Variants in KDM7A observed in about 807,000 individuals in gnomAD.
KDM7A encodes lysine-specific demethylase 7A.
KDM7A carries 28 observed loss-of-function variants against 114.8 expected under a neutral mutation model. The ratio of observed to expected loss-of-function variants is 0.24; its 90% CI spans 0.18 to 0.33. KDM7A has a LOEUF of 0.33. Among genes scored for constraint, KDM7A ranks in the 10% least tolerant of loss-of-function variants. The pLI, the probability that KDM7A is intolerant of heterozygous loss-of-function variation, is 1.00. For synonymous variants in KDM7A, 423 were observed against 397.8 expected, an observed-to-expected ratio of 1.06 and a Z score of -0.75; for missense variants, 942 against 1,142.5, an observed-to-expected ratio of 0.82 and a Z score of 2.53.
rs1818009315 is a variant in KDM7A at position 140,091,042 on chromosome 7, T to C, written c.*52A>G. ...GGGGACAGCGGAAGCTCCAGGCTCCTGCACCCCTAGACTGGTCTCCAAAGG... is the reference window on the plus strand; with the variant it reads ...GGGGACAGCGGAAGCTCCAGGCTCCCGCACCCCTAGACTGGTCTCCAAAGG... On this transcript the variant is annotated 3_prime_UTR_variant, in exon 20 of 20. Transcript: ENST00000397560. 8 of 1,332,088 alleles carry C rather than the reference T, an allele frequency of 6.0e-6. No individual in the cohort carries two copies. Among genetic ancestry groups the C allele is most frequent in the Admixed American group, 3.4e-5 (2 of 59,300 alleles). The allele number at this position is 1,332,088 out of a possible 1,614,324, so 82.5% of individuals were successfully genotyped here.
intron 2 of KDM7A, among the ~76,000 whole-genome samples, chr7:140,136,243 T>C (rs1241485402): frequency 6.6e-6 from 1 of 152,220 alleles, no homozygotes; most frequent in Non-Finnish European, 1.5e-5. Flanking sequence ...TTGTTATAAA[T>C]GTCAAAGAAG....
intron 9 of KDM7A, among the ~76,000 whole-genome samples, chr7:140,114,316 C>T (rs966160875): frequency 6.6e-6 from 1 of 152,084 alleles, no homozygotes; most frequent in Non-Finnish European, 1.5e-5. Flanking sequence ...TGCAGGCGCG[C>T]GCCACCACGC....
At chr7:140,096,842 G>C in intron 16 of KDM7A, 57 bp downstream of exon 16, 1 of 1,586,738 alleles carries the variant, frequency 6.3e-7, no homozygotes, top group Non-Finnish European at 8.6e-7. Context: ...ACTAAAAAAA[G>C]TGTTCATAGT....
At chr7:140,128,103 T>G (rs1818734439) in intron 4 of KDM7A, among the ~76,000 whole-genome samples, 1 of 152,182 alleles carries the variant, frequency 6.6e-6, no homozygotes, top group Admixed American at 6.5e-5. Flanking sequence ...GATACTGTCT[T>G]CTAATATTCT....
intron 11 of KDM7A, among the ~76,000 whole-genome samples, chr7:140,102,893 A>G (rs914815768): frequency 2.6e-5 from 4 of 152,236 alleles, no homozygotes; most frequent in Non-Finnish European, 4.4e-5. Flanking sequence ...CATGAAAAAT[A>G]GCAGCCTCCT....
chr7:140,098,965 C>T lies in KDM7A; in HGVS notation c.1832G>A (p.Arg611Lys). Residue 611 changes from arginine (R) to lysine (K), a missense_variant, in exon 14 of 20, where the codon AGA (arginine) becomes AAA (lysine). Transcript: ENST00000397560. ...CTTCATTTTTGCCTTTTTTGTCCTT[C>T]TTTTATCCTCTTCATTTTCACTATC... Reference protein sequence around the residue: ...TADSENEEDKRRTKKAKMKIE... With the variant: ...TADSENEEDKKRTKKAKMKIE... 2 of 1,613,268 alleles carry T rather than the reference C, an allele frequency of 1.2e-6. No individual in the cohort carries two copies. Among genetic ancestry groups the T allele is most frequent in the Non-Finnish European group, 1.7e-6 (2 of 1,179,416 alleles).
intron 10 of KDM7A, 104 bp from the exon 11 acceptor site, chr7:140,111,288 A>C: frequency 1.5e-6 from 1 of 665,088 alleles, no homozygotes; most frequent in Non-Finnish European, 2.6e-6. Flanking sequence ...ACTGTTACAG[A>C]CATCGCCAAA....
intron 1 of KDM7A, among the ~76,000 whole-genome samples, chr7:140,151,046 G>C (rs565910127): frequency 1.3e-5 from 2 of 152,128 alleles, no homozygotes; most frequent in East Asian, 3.9e-4. Context: ...GGCCAGGCTG[G>C]TTTCGAACTC....
intron 1 of KDM7A, among the ~76,000 whole-genome samples, chr7:140,163,505 C>T (rs1002324948): frequency 4.0e-5 from 6 of 151,698 alleles, no homozygotes; most frequent in Non-Finnish European, 8.8e-5. Flanking sequence ...TAGTCTCAAA[C>T]TCCTGTCCTC....
chr7:140,109,081 A>G (rs1818390902), intron 11 of KDM7A, among the ~76,000 whole-genome samples: 1 of 152,184 alleles, frequency 6.6e-6, no homozygotes, highest in South Asian at 2.1e-4. Context: ...AGCGCAGGAT[A>G]TAACGTCCTG....
chr7:140,170,312 A>T (rs1196040080), intron 1 of KDM7A, among the ~76,000 whole-genome samples: 3 of 152,190 alleles, frequency 2.0e-5, no homozygotes, highest in African/African-American at 7.2e-5. Context: ...ATTTTGATTT[A>T]AAAAAAGGAA....
chr7:140,174,919 A>G (rs1794685015), intron 1 of KDM7A, among the ~76,000 whole-genome samples: 1 of 152,210 alleles, frequency 6.6e-6, no homozygotes, highest in Non-Finnish European at 1.5e-5. Context: ...CTGGCGAGAC[A>G]AATTTTTATG....
intron 2 of KDM7A, among the ~76,000 whole-genome samples, chr7:140,134,571 T>A (rs1258541857): frequency 6.6e-6 from 1 of 151,918 alleles, no homozygotes; most frequent in Admixed American, 6.6e-5. Flanking sequence ...TTTTTTTTTT[T>A]AAGCTTGAAA....
In KDM7A at chr7:140,086,334, G is replaced by A. The variant is rs1397186899; in HGVS notation, c.*4760C>T. The A allele has an allele frequency of 6.6e-6, 1 of 152,162 alleles. No homozygotes were observed. Among genetic ancestry groups the A allele is most frequent in the African/African-American group, 2.4e-5 (1 of 41,436 alleles). 9.4% of individuals were successfully genotyped at this position (152,162 alleles called of 1,614,324 possible). On this transcript the variant is annotated 3_prime_UTR_variant, in exon 20 of 20. Transcript: ENST00000397560. Reference sequence around the variant, plus strand: ...TTAAGACACTAGAAGGGGCACCAGGGGGAAGGGGAGAACCTAAGGATATTG... The same window carrying A: ...TTAAGACACTAGAAGGGGCACCAGGAGGAAGGGGAGAACCTAAGGATATTG...
At chr7:140,158,165 CA>C (rs1794479785) in intron 1 of KDM7A, among the ~76,000 whole-genome samples, 1 of 152,152 alleles carries the variant, frequency 6.6e-6, no homozygotes, top group East Asian at 1.9e-4. Context: ...TGGCAATGAG[CA>C]GGGAATTTTC....
At position 140,164,364 on chromosome 7, in the gene KDM7A, G is replaced by A. The variant is rs185245630; in HGVS notation, c.194+12380C>T. 1.4e-4 allele frequency among the ~76,000 whole-genome samples: 21 copies of A among 152,214 alleles called. 1 individual carries two copies. In the East Asian group the frequency reaches 4.1e-3, roughly 29 times the overall value. On this transcript the variant is annotated intron_variant, in intron 1 of 19. Transcript: ENST00000397560. ...TTAGACTAGATCATTCTTTCTTGTG[G>A]GGGCTAACCAGTGCAGAATGTTTAG...
chr7:140,154,443 G>A (rs1179063069), intron 1 of KDM7A, among the ~76,000 whole-genome samples: 4 of 147,782 alleles, frequency 2.7e-5, no homozygotes, highest in African/African-American at 1.0e-4. Flanking sequence ...GTAGTGAGCT[G>A]ACTGCACCGC....
In KDM7A at chr7:140,124,638, G is replaced by C; in HGVS notation, c.1034C>G (p.Thr345Ser). 1 of 1,611,330 alleles carries C rather than the reference G, an allele frequency of 6.2e-7. No individual in the cohort carries two copies. Among genetic ancestry groups the C allele is most frequent in the Non-Finnish European group, 8.5e-7 (1 of 1,178,992 alleles). ...CYKCVVKQGH[T>S]LFVPTGWIHA... ...AACCTTACCTGTAGGAACAAATAAG[G>C]TATGTCCCTGCTTTACCACACATTT... Residue 345 changes from threonine (T) to serine (S), a missense_variant, in exon 7 of 20, where the codon ACC (threonine) becomes AGC (serine). By Grantham distance (58) the Thr-to-Ser change is moderately conservative (BLOSUM62 1). Around this residue, in one of 4 missense-constraint regions of KDM7A, gnomAD observed 318 missense variants for 453.1 expected, o/e 0.70. Transcript: ENST00000397560.
At chr7:140,092,286 TAAG>T in intron 18 of KDM7A, 3 of 594,352 alleles carry the variant, frequency 5.0e-6, no homozygotes, top group Non-Finnish European at 8.9e-6. Context: ...ATCGTTAAGT[TAAG>T]AAGGCGAAAG....
Sources: gnomAD v4.1 joint callset for allele counts (sites outside exome capture counted in the v4.1 genomes callset) on GRCh38, gnomAD v4.1.1 for gene constraint, gnomAD v4.1.1 regional missense constraint, MANE v1.5 for transcripts, NCBI Gene and HGNC (gene_info 2026-07-23, HGNC 2026-07-21) for gene names.